The following FOXN3 variants were observed in gnomAD, a reference collection of about 807,000 sequenced individuals.
FOXN3 encodes forkhead box N3.
In FOXN3, 7 loss-of-function variants were observed where a neutral mutation model predicts 38.4. The observed-to-expected ratio is 0.18, with a 90% CI of 0.10 to 0.34. The LOEUF is 0.34. FOXN3 is among the 10% of genes least tolerant of loss of function. The pLI is 1.00. For missense variants in FOXN3, 456 were observed against 613.4 expected (o/e 0.74, Z 2.71); for synonymous variants, 230 against 242.2 (o/e 0.95, Z 0.47).
chr14:89,234,725 A>G (rs1339834611), intron 4 of FOXN3, among the ~76,000 whole-genome samples: 2 of 150,362 alleles, frequency 1.3e-5, no homozygotes, highest in African/African-American at 4.9e-5. Flanking sequence ...AAAGGAGAAG[A>G]TCTTTATTTT....
intron 3 of FOXN3, among the ~76,000 whole-genome samples, chr14:89,303,842 T>G (rs1950712450): frequency 6.6e-6 from 1 of 152,232 alleles, no homozygotes; most frequent in African/African-American, 2.4e-5. Context: ...TATCAGTGTA[T>G]CTACTTTAAC....
rs1891577532 is a variant in FOXN3 at position 89,412,814 on chromosome 14, G to A, written c.-14-324C>T. Among the ~76,000 whole-genome samples, 1 of 152,038 alleles carries A rather than the reference G, an allele frequency of 6.6e-6. No individual in the cohort carries two copies. The highest frequency in any genetic ancestry group is 6.5e-5 in the Admixed American group (1 of 15,282). On this transcript the variant is annotated intron_variant, in intron 1 of 5. Coordinates refer to ENST00000557258, the MANE Select transcript of FOXN3 (RefSeq NM_005197.4). This position sits in a 1 kb window ranked among gnomAD's most constrained non-coding sequence, Gnocchi z 4.7. ...TTTGGGAGGCTGAGGCGGGACGATT[G>A]CTTGAGACCAGGAGACCAGTTTTAA...
intron 5 of FOXN3, among the ~76,000 whole-genome samples, chr14:89,165,407 CG>C (rs1299134337): frequency 4.6e-5 from 7 of 152,216 alleles, no homozygotes; most frequent in Non-Finnish European, 1.0e-4. Flanking sequence ...CCGATTCCTG[CG>C]ACTTCCTGCT....
intron 1 of FOXN3, among the ~76,000 whole-genome samples, chr14:89,510,612 G>T (rs527470287): frequency 1.3e-5 from 2 of 152,232 alleles, no homozygotes; most frequent in Non-Finnish European, 2.9e-5. Flanking sequence ...CACTCAGAGC[G>T]ACAGGAAGTT....
intron 4 of FOXN3, among the ~76,000 whole-genome samples, chr14:89,238,117 G>C (rs1168961028): frequency 6.6e-6 from 1 of 152,262 alleles, no homozygotes; most frequent in South Asian, 2.1e-4. Context: ...TTAGTCTTTA[G>C]TCTTTTCCAA....
chr14:89,276,862 C>CAGA lies in FOXN3; in HGVS notation c.745+4085_745+4087dup, dbSNP rs560433569. ...ACAGGGCCTACCAAGACCAAGAGGGCAGAAGTAGGATATAAAATCAGCATG... is the reference window on the plus strand; with the variant it reads ...ACAGGGCCTACCAAGACCAAGAGGGCAGAAGAAGTAGGATATAAAATCAGCATG... On this transcript the variant is annotated intron_variant, in intron 4 of 5. Coordinates refer to ENST00000557258, the MANE Select transcript of FOXN3 (RefSeq NM_005197.4). Among the ~76,000 whole-genome samples the CAGA allele has an allele frequency of 6.1e-3, 924 of 152,294 alleles. 8 individuals are homozygous for CAGA. The highest frequency in any genetic ancestry group is 0.021 in the African/African-American group (877 of 41,546).
At chr14:89,212,965 A>G (rs1304331551) in intron 4 of FOXN3, among the ~76,000 whole-genome samples, 1 of 152,204 alleles carries the variant, frequency 6.6e-6, no homozygotes, top group African/African-American at 2.4e-5. Flanking sequence ...AAAGCCACTC[A>G]AAGGCAGACC....
At chr14:89,338,396 C>T (rs1171859601) in intron 3 of FOXN3, among the ~76,000 whole-genome samples, 3 of 152,184 alleles carry the variant, frequency 2.0e-5, no homozygotes, top group Non-Finnish European at 4.4e-5. Flanking sequence ...GGAGAACTTG[C>T]AAACAGTCCT....
chr14:89,252,347 T>C (rs1293039331), intron 4 of FOXN3, among the ~76,000 whole-genome samples: 3 of 152,132 alleles, frequency 2.0e-5, no homozygotes, highest in South Asian at 2.1e-4. Flanking sequence ...TTCGAATTCA[T>C]TGCAGTACTT....
chr14:89,243,229 C>A (rs781254211), intron 4 of FOXN3, among the ~76,000 whole-genome samples: 3 of 152,208 alleles, frequency 2.0e-5, no homozygotes, highest in Non-Finnish European at 4.4e-5. Context: ...AAAAGCAAAG[C>A]CTACTTGCCA....
At chr14:89,184,459 G>A (rs577936253) in intron 4 of FOXN3, among the ~76,000 whole-genome samples, 33 of 152,314 alleles carry the variant, frequency 2.2e-4, no homozygotes, top group South Asian at 8.3e-4. Flanking sequence ...AGCATCAGGC[G>A]CATGGCCAGC....
intron 3 of FOXN3, among the ~76,000 whole-genome samples, chr14:89,331,871 G>T (rs1160756298): frequency 6.6e-6 from 1 of 152,130 alleles, no homozygotes; most frequent in Non-Finnish European, 1.5e-5. Context: ...ACCCATTACG[G>T]AGTGGTAATC....
chr14:89,536,118 C>CA (rs1894680418), intron 1 of FOXN3, among the ~76,000 whole-genome samples: 1 of 152,106 alleles, frequency 6.6e-6, no homozygotes, highest in South Asian at 2.1e-4. Context: ...AAGCCACCGG[C>CA]AAGATGTTTT....
At chr14:89,601,829 C>T (rs1360341545) in intron 1 of FOXN3, among the ~76,000 whole-genome samples, 1 of 152,132 alleles carries the variant, frequency 6.6e-6, no homozygotes, top group Non-Finnish European at 1.5e-5. Flanking sequence ...GGTCTTATCT[C>T]CCTACATCCA....
intron 2 of FOXN3, among the ~76,000 whole-genome samples, chr14:89,378,011 A>G (rs1456955537): frequency 5.9e-5 from 9 of 152,218 alleles, no homozygotes; most frequent in Admixed American, 5.9e-4. Context: ...CCCTGCTGAC[A>G]CCTTGATCTT....
chr14:89,527,394 T>C (rs951597013), intron 1 of FOXN3, among the ~76,000 whole-genome samples: 1 of 152,192 alleles, frequency 6.6e-6, no homozygotes, highest in African/African-American at 2.4e-5. Context: ...ACTTCAAAAT[T>C]AAGAATGTCT....
intron 2 of FOXN3, among the ~76,000 whole-genome samples, chr14:89,396,153 C>CTTAAA (rs1349597075): frequency 6.6e-6 from 1 of 152,182 alleles, no homozygotes; most frequent in Non-Finnish European, 1.5e-5. Flanking sequence ...CTCTCAAAGA[C>CTTAAA]TTAAGCACAT....
At chr14:89,498,208 CTCT>C (rs1370502645) in intron 1 of FOXN3, among the ~76,000 whole-genome samples, 2 of 123,766 alleles carry the variant, frequency 1.6e-5, no homozygotes, top group East Asian at 2.2e-4. Context: ...CTCTCTCTCT[CTCT>C]TTTTTTTTTT....
chr14:89,499,897 TG>T, intron 1 of FOXN3, among the ~76,000 whole-genome samples: 1 of 141,270 alleles, frequency 7.1e-6, no homozygotes, highest in South Asian at 2.1e-4. Context: ...TTGGGTTTTT[TG>T]TTTGTTTGTT....
Sources: gnomAD v4.1 joint callset for allele counts (sites outside exome capture counted in the v4.1 genomes callset) on GRCh38, gnomAD v4.1.1 for gene constraint, Gnocchi (gnomAD v3.1) non-coding constraint, MANE v1.5 for transcripts, NCBI Gene and HGNC (gene_info 2026-07-23, HGNC 2026-07-21) for gene names.